PDE11A: variants seen among roughly 807,000 people sequenced by gnomAD.
PDE11A encodes the protein phosphodiesterase 11A.
In PDE11A, 100 loss-of-function variants were observed where a neutral mutation model predicts 100.5. The observed-to-expected ratio is 1.00, with a 90% CI of 0.85 to 1.18. The LOEUF (loss-of-function observed/expected upper bound fraction) is 1.18, where lower values mean the gene tolerates loss of function less well. PDE11A is among the 50% of genes most tolerant of loss of function. The probability of loss-of-function intolerance (pLI) is 0.00; values close to 1 mark genes in which losing one functional copy is unlikely to be tolerated. For missense variants in PDE11A, 1,141 were observed against 1,152.6 expected (o/e 0.99, Z 0.15); for synonymous variants, 381 against 420.8 (o/e 0.91, Z 1.16).
chr2:177,908,670 A>T (rs1217377237), intron 2 of PDE11A, among the ~76,000 whole-genome samples: 3 of 152,168 alleles, frequency 2.0e-5, no homozygotes, highest in Non-Finnish European at 4.4e-5. Flanking sequence ...GCGTCCAGCT[A>T]TAGCGTGGAA....
chr2:177,959,699 A>G (rs1462862823), intron 2 of PDE11A, among the ~76,000 whole-genome samples: 1 of 152,188 alleles, frequency 6.6e-6, no homozygotes, highest in Non-Finnish European at 1.5e-5. Flanking sequence ...CTTTGGAGAA[A>G]ATAGGTTGCA....
chr2:178,070,920 T>C (rs1385879894), intron 1 of PDE11A, among the ~76,000 whole-genome samples: 1 of 152,180 alleles, frequency 6.6e-6, no homozygotes, highest in Non-Finnish European at 1.5e-5. Flanking sequence ...CAGAAACAGT[T>C]ACGATACTAA....
intron 2 of PDE11A, among the ~76,000 whole-genome samples, chr2:177,969,243 G>C (rs1428760785): frequency 6.6e-6 from 1 of 152,050 alleles, no homozygotes; most frequent in South Asian, 2.1e-4. Context: ...ACAGGGAGGG[G>C]AACATCACAC....
At chr2:177,720,344 T>A (rs1353240910) in intron 12 of PDE11A, among the ~76,000 whole-genome samples, 1 of 152,046 alleles carries the variant, frequency 6.6e-6, no homozygotes, top group Non-Finnish European at 1.5e-5. Flanking sequence ...ACCTTCTTTT[T>A]AAAAAAGGAT....
chr2:177,865,644 C>T (rs1268135732), intron 5 of PDE11A, among the ~76,000 whole-genome samples: 2 of 152,002 alleles, frequency 1.3e-5, no homozygotes, highest in Admixed American at 6.6e-5. Flanking sequence ...ATGATATATC[C>T]AAACAATGGA....
At chr2:177,708,092 C>T (rs16865706) in intron 13 of PDE11A, among the ~76,000 whole-genome samples, 14,926 of 148,794 alleles carry the variant, frequency 0.1, 2,411 homozygotes, top group African/African-American at 0.36. Context: ...AAGGAGCAAT[C>T]GGACCCTACA....
At chr2:177,642,360 C>A (rs985708634) in intron 19 of PDE11A, among the ~76,000 whole-genome samples, 8 of 152,094 alleles carry the variant, frequency 5.3e-5, no homozygotes, top group African/African-American at 1.9e-4. Flanking sequence ...GCAACACGAC[C>A]AAGGGTGAAA....
chr2:177,847,525 T>C (rs1208861984), intron 5 of PDE11A, among the ~76,000 whole-genome samples: 1 of 152,212 alleles, frequency 6.6e-6, no homozygotes, highest in Non-Finnish European at 1.5e-5. Context: ...TGCAAATCAG[T>C]TCATGTCAAC....
In PDE11A at chr2:177,898,193, C is replaced by A. The variant is rs1378399516; in HGVS notation, c.1167G>T (p.Leu389Phe). Residue 389 changes from leucine (L) to phenylalanine (F), a missense_variant, in exon 4 of 20, where the codon TTG becomes TTT. Physicochemically the swap from Leu to Phe is conservative, Grantham distance 22. Coordinates refer to ENST00000286063, the MANE Select transcript of PDE11A (RefSeq NM_016953.4). ...SRKEYERSRA[L>F]LEVVNDLFEE... ...CAAAGAGGTCATTAACCACCTCTAG[C>A]AAAGCCTAGAAAAGATGAAATAGAT... 1.2e-6 allele frequency: 2 copies of A among 1,607,016 alleles called. No homozygotes were observed. Among genetic ancestry groups the A allele is most frequent in the East Asian group, 2.2e-5 (1 of 44,820 alleles).
In PDE11A at chr2:177,663,250, G is replaced by C. The variant is rs139936206; in HGVS notation, c.2646+616C>G. ...GGAGAGGCCTACACACCAAGTAGCAGAGCTGGAAACATTAGCACATCTCGC... is the reference window on the plus strand; with the variant it reads ...GGAGAGGCCTACACACCAAGTAGCACAGCTGGAAACATTAGCACATCTCGC... On this transcript the variant is annotated intron_variant, in intron 19 of 19. Transcript: ENST00000286063. 7.6e-4 allele frequency among the ~76,000 whole-genome samples: 116 copies of C among 152,274 alleles called. 2 individuals are homozygous for C. The highest frequency in any genetic ancestry group is 2.7e-3 in the African/African-American group (114 of 41,556).
In PDE11A at chr2:177,634,386, C is replaced by CT. The variant is rs758752342; in HGVS notation, c.2647-4825dup. The stretch of plus-strand genomic sequence containing the variant: ...TATCTTGAAAACTTACTTTTTCTCT[C>CT]TCTCTTTTTTTTTTTTTTGTGAGAA... On this transcript the variant is annotated intron_variant, in intron 19 of 19. Coordinates refer to ENST00000286063, the MANE Select transcript of PDE11A (RefSeq NM_016953.4). 2.8e-3 allele frequency among the ~76,000 whole-genome samples: 168 copies of CT among 59,382 alleles called. 6 individuals are homozygous for CT. Among genetic ancestry groups the CT allele is most frequent in the South Asian group, 0.015 (25 of 1,688 alleles). The allele number at this position is 59,382 out of a possible 152,430, so 39.0% of individuals were successfully genotyped here. A position where few individuals can be genotyped will look rare whatever the true frequency, so the allele number is the denominator to read the frequency against.
At chr2:178,069,357 A>G (rs1182304103) in intron 1 of PDE11A, among the ~76,000 whole-genome samples, 2 of 152,192 alleles carry the variant, frequency 1.3e-5, no homozygotes, top group African/African-American at 4.8e-5. Flanking sequence ...TTTATCAAAG[A>G]AGAGTAGCAT....
At chr2:178,020,811 A>T (rs754611156) in intron 1 of PDE11A, among the ~76,000 whole-genome samples, 1 of 152,118 alleles carries the variant, frequency 6.6e-6, no homozygotes, top group Non-Finnish European at 1.5e-5. Context: ...AACAAAAAGG[A>T]GAAAATGTAA....
intron 16 of PDE11A, chr2:177,675,755 T>C: frequency 1.5e-6 from 1 of 658,258 alleles, no homozygotes; most frequent in South Asian, 1.5e-5. Context: ...TTTTGTTTTG[T>C]CTGCAGCAAA....
At chr2:177,885,321 A>T (rs1371271798) in intron 4 of PDE11A, among the ~76,000 whole-genome samples, 1 of 152,104 alleles carries the variant, frequency 6.6e-6, no homozygotes, top group Non-Finnish European at 1.5e-5. Flanking sequence ...TCGAAAATAC[A>T]GCATTCAGGG....
chr2:178,006,151 T>C (rs972285584), intron 2 of PDE11A, among the ~76,000 whole-genome samples: 1 of 152,232 alleles, frequency 6.6e-6, no homozygotes, highest in Non-Finnish European at 1.5e-5. Context: ...TTCCTTAATA[T>C]TTGATCATTA....
intron 10 of PDE11A, among the ~76,000 whole-genome samples, chr2:177,731,430 T>C (rs1389019808): frequency 6.6e-6 from 1 of 152,190 alleles, no homozygotes; most frequent in Non-Finnish European, 1.5e-5. Flanking sequence ...CTTTAGCTAC[T>C]CAGAATCCCC....
At chr2:177,636,015 T>C (rs1386170700) in intron 19 of PDE11A, among the ~76,000 whole-genome samples, 2 of 152,104 alleles carry the variant, frequency 1.3e-5, no homozygotes, top group Non-Finnish European at 2.9e-5. Context: ...GTGAAGTTTA[T>C]CAGAGAGTCA....
intron 9 of PDE11A, among the ~76,000 whole-genome samples, chr2:177,816,598 A>G (rs984186907): frequency 6.6e-6 from 1 of 152,222 alleles, no homozygotes; most frequent in Non-Finnish European, 1.5e-5. Flanking sequence ...AAAAATCTAT[A>G]TCTAAACATA....
Sources: gnomAD v4.1 joint callset for allele counts (sites outside exome capture counted in the v4.1 genomes callset) on GRCh38, gnomAD v4.1.1 for gene constraint, MANE v1.5 for transcripts, NCBI Gene and HGNC (gene_info 2026-07-23, HGNC 2026-07-21) for gene names.